PTPRN2: variants seen among roughly 807,000 people sequenced by gnomAD.
The protein encoded by PTPRN2 is receptor-type tyrosine-protein phosphatase N2.
In PTPRN2, 74 loss-of-function variants were observed where a neutral mutation model predicts 118.8. That is an observed-to-expected ratio of 0.62 (90% confidence interval 0.52 to 0.76). The LOEUF (loss-of-function observed/expected upper bound fraction) is 0.76. Among genes scored for constraint, PTPRN2 ranks in the 30% least tolerant of loss-of-function variants. The pLI, the probability that PTPRN2 is intolerant of heterozygous loss-of-function variation, is 0.00. For missense variants in PTPRN2, 1,481 were observed against 1,394.4 expected (o/e 1.06, Z -0.99); for synonymous variants, 641 against 608.0 (o/e 1.05, Z -0.80).
At chr7:158,413,999 C>T (rs1042869750) in intron 2 of PTPRN2, among the ~76,000 whole-genome samples, 7 of 136,194 alleles carry the variant, frequency 5.1e-5, no homozygotes, top group East Asian at 4.7e-4. Flanking sequence ...ACCTGGGAGG[C>T]GGAGGTTGCA....
intron 21 of PTPRN2, among the ~76,000 whole-genome samples, chr7:157,551,783 G>GCACGCACCCCACAGCCAC (rs1798634531): frequency 1.1e-4 from 3 of 28,142 alleles, no homozygotes; most frequent in Non-Finnish European, 2.1e-4. Context: ...CCCACAGCCA[G>GCACGCACCCCACAGCCAC]CACGCACCCC....
At position 157,780,114 on chromosome 7, in the gene PTPRN2, A is replaced by C. The variant is rs1803585053; in HGVS notation, c.1789-97177T>G. The stretch of plus-strand genomic sequence containing the variant: ...TTATAATTAGGGCTCACTAGTGACG[A>C]GCAAAAGCCCGTGAAACTGTCTTTG... On this transcript the variant is annotated intron_variant, in intron 12 of 22. Coordinates refer to ENST00000389418, the MANE Select transcript of PTPRN2 (RefSeq NM_002847.5). The surrounding 1 kb of genome is among the most constrained non-coding windows in gnomAD (Gnocchi z 4.5). 6.6e-6 allele frequency among the ~76,000 whole-genome samples: 1 copy of C among 152,194 alleles called. No homozygotes were observed. The highest frequency in any genetic ancestry group is 2.4e-5 in the African/African-American group (1 of 41,434).
chr7:158,305,408 G>T (rs1188378516), intron 3 of PTPRN2, among the ~76,000 whole-genome samples: 1 of 152,154 alleles, frequency 6.6e-6, no homozygotes, highest in East Asian at 1.9e-4. Flanking sequence ...GGGAGACAGT[G>T]GTGGAGGGAG....
chr7:157,761,144 A>C (rs1177954702), intron 12 of PTPRN2, among the ~76,000 whole-genome samples: 2 of 151,894 alleles, frequency 1.3e-5, no homozygotes, highest in East Asian at 1.9e-4. Context: ...GGGTAGGAAG[A>C]ATCAATATCG....
rs149452753 is a variant in PTPRN2 at position 157,832,767 on chromosome 7, C to A, written c.1788+65906G>T. ...GATCTTCAGTTACTGGAAGGCTTGG[C>A]CCAAAATATTTCAGTATATGGAGCA... On this transcript the variant is annotated intron_variant, in intron 12 of 22. Transcript: ENST00000389418. Among the ~76,000 whole-genome samples, 30 of 152,294 alleles carry A rather than the reference C, an allele frequency of 2.0e-4. No individual in the cohort carries two copies. In the East Asian group the frequency reaches 5.6e-3, roughly 28 times the overall value.
At chr7:158,395,310 G>GGCCAGGGGCGAGGGGCGAGGGGCGAGGC (rs1812284275) in intron 2 of PTPRN2, among the ~76,000 whole-genome samples, 2 of 135,390 alleles carry the variant, frequency 1.5e-5, no homozygotes, top group African/African-American at 5.6e-5. Context: ...AGGGGCGAGG[G>GGCCAGGGGCGAGGGGCGAGGGGCGAGGC]GTGAGGGGCG....
intron 12 of PTPRN2, among the ~76,000 whole-genome samples, chr7:157,891,177 C>T (rs920343144): frequency 2.6e-5 from 4 of 152,218 alleles, no homozygotes; most frequent in African/African-American, 9.6e-5. Context: ...GCCATCACAG[C>T]TGATATGTTC....
intron 11 of PTPRN2, among the ~76,000 whole-genome samples, chr7:157,918,267 G>A (rs576163582): frequency 6.6e-6 from 1 of 152,292 alleles, no homozygotes; most frequent in African/African-American, 2.4e-5. Flanking sequence ...AATTAGTATT[G>A]TTCTTGAAGT....
chr7:158,072,702 G>A (rs1388115821), intron 11 of PTPRN2, among the ~76,000 whole-genome samples: 2 of 152,160 alleles, frequency 1.3e-5, no homozygotes, highest in African/African-American at 4.8e-5. Flanking sequence ...GTGTTAGTCT[G>A]ATCAACTGTG....
chr7:158,342,674 C>T (rs1393056374), intron 2 of PTPRN2, among the ~76,000 whole-genome samples: 1 of 152,212 alleles, frequency 6.6e-6, no homozygotes, highest in African/African-American at 2.4e-5. Flanking sequence ...CCCTTAGTGG[C>T]ATAAACTGTC....
chr7:158,359,290 T>A (rs1808648162), intron 2 of PTPRN2, among the ~76,000 whole-genome samples: 1 of 152,212 alleles, frequency 6.6e-6, no homozygotes, highest in African/African-American at 2.4e-5. Context: ...TTGAACAGGA[T>A]CAGACCTCAA....
intron 12 of PTPRN2, among the ~76,000 whole-genome samples, chr7:157,841,810 G>A (rs530095626): frequency 1.2e-4 from 19 of 152,258 alleles, no homozygotes; most frequent in Middle Eastern, 6.8e-3. Flanking sequence ...TGCTGGGGAC[G>A]TCCTCTCTGG....
At chr7:157,760,937 A>G (rs560617930) in intron 12 of PTPRN2, among the ~76,000 whole-genome samples, 1 of 152,280 alleles carries the variant, frequency 6.6e-6, no homozygotes, top group Admixed American at 6.5e-5. Flanking sequence ...CTGGCCAAGC[A>G]TTCTTATACA....
At chr7:157,692,899 TC>T (rs1161797557) in intron 12 of PTPRN2, among the ~76,000 whole-genome samples, 1 of 151,846 alleles carries the variant, frequency 6.6e-6, no homozygotes, top group East Asian at 2.0e-4. Context: ...GTACTCGGGT[TC>T]CCCCAGCGCC....
chr7:158,209,058 C>G (rs1465492943), intron 3 of PTPRN2, among the ~76,000 whole-genome samples: 2 of 148,134 alleles, frequency 1.4e-5, no homozygotes, highest in Admixed American at 6.7e-5. Flanking sequence ...ACAGATACAA[C>G]AAAAAGTAAA....
At chr7:158,245,210 G>A (rs575098315) in intron 3 of PTPRN2, among the ~76,000 whole-genome samples, 5 of 98,968 alleles carry the variant, frequency 5.1e-5, no homozygotes, top group Admixed American at 9.3e-5. Context: ...TGGAATCCAC[G>A]GTCATGCCGG....
At chr7:157,875,270 C>A (rs1034766673) in intron 12 of PTPRN2, among the ~76,000 whole-genome samples, 1 of 152,212 alleles carries the variant, frequency 6.6e-6, no homozygotes, top group African/African-American at 2.4e-5. Context: ...CTCCTGGGGG[C>A]TCCTTCTTCA....
intron 3 of PTPRN2, among the ~76,000 whole-genome samples, chr7:158,229,031 G>A (rs1024113065): frequency 2.0e-5 from 3 of 152,082 alleles, no homozygotes; most frequent in Admixed American, 6.6e-5. Flanking sequence ...CCCTCAGCAC[G>A]AGGCCCCAGC....
At chr7:158,357,886 C>T (rs1808517480) in intron 2 of PTPRN2, among the ~76,000 whole-genome samples, 1 of 152,230 alleles carries the variant, frequency 6.6e-6, no homozygotes, top group African/African-American at 2.4e-5. Context: ...CCACCACCAA[C>T]TAGAGGGCCC....
Sources: gnomAD v4.1 joint callset for allele counts (sites outside exome capture counted in the v4.1 genomes callset) on GRCh38, gnomAD v4.1.1 for gene constraint, Gnocchi (gnomAD v3.1) non-coding constraint, MANE v1.5 for transcripts, NCBI Gene and HGNC (gene_info 2026-07-23, HGNC 2026-07-21) for gene names.